The following CIROZ variants were observed in gnomAD, a reference collection of about 807,000 sequenced individuals.
CIROZ encodes the protein ciliated left-right organizer protein containing ZP-N domains, also known as ciliated left-right organizer ZP-N domains-containing protein.
At chr1:10,978,490 C>T in the CIROZ span, among the ~76,000 whole-genome samples, 56 of 149,318 alleles carry the variant, frequency 3.8e-4, no homozygotes, top group African/African-American at 1.4e-3. Flanking sequence ...AGGAGGATCA[C>T]TTGAGCCCAG....
At chr1:10,948,348 C>A in the CIROZ span, 6 of 1,613,376 alleles carry the variant, frequency 3.7e-6, no homozygotes, top group Non-Finnish European at 5.1e-6. Flanking sequence ...CAGTGTGGCC[C>A]GCCAGGGCCT....
At chr1:10,965,854 A>G in the CIROZ span, among the ~76,000 whole-genome samples, 1 of 152,038 alleles carries the variant, frequency 6.6e-6, no homozygotes, top group African/African-American at 2.4e-5. Flanking sequence ...GAATACAAAA[A>G]TATCTTGCTT....
At chr1:10,952,115 G>A in the CIROZ span, among the ~76,000 whole-genome samples, 2 of 152,118 alleles carry the variant, frequency 1.3e-5, no homozygotes, top group African/African-American at 4.8e-5. Context: ...AAGCCGAACA[G>A]GACACAGCCC....
chr1:10,967,793 G>C, the CIROZ span, among the ~76,000 whole-genome samples: 1 of 152,166 alleles, frequency 6.6e-6, no homozygotes, highest in Non-Finnish European at 1.5e-5. Flanking sequence ...CCAACATGGT[G>C]AAATCCTGTC....
the CIROZ span, chr1:10,958,904 A>G: frequency 1.4e-6 from 1 of 710,734 alleles, no homozygotes; most frequent in African/African-American, 1.8e-5. Context: ...TAAGACAAGA[A>G]AATCATTTAT....
At chr1:10,948,876 G>A in the CIROZ span, 9 of 1,468,822 alleles carry the variant, frequency 6.1e-6, no homozygotes, top group African/African-American at 1.3e-4. Context: ...GAGAGAAAAA[G>A]CATTAGAAAC....
At chr1:10,972,770 C>G in the CIROZ span, among the ~76,000 whole-genome samples, 24 of 151,932 alleles carry the variant, frequency 1.6e-4, no homozygotes, top group African/African-American at 4.8e-4. Flanking sequence ...AATTCTAAGC[C>G]CTTGGAATGT....
chr1:10,953,593 G>A, the CIROZ span, among the ~76,000 whole-genome samples: 1 of 152,194 alleles, frequency 6.6e-6, no homozygotes, highest in Admixed American at 6.5e-5. Flanking sequence ...AATGGAAACA[G>A]CTCTTCTTGT....
chr1:10,951,686 T>C, the CIROZ span, among the ~76,000 whole-genome samples: 1 of 148,870 alleles, frequency 6.7e-6, no homozygotes, highest in Non-Finnish European at 1.5e-5. Flanking sequence ...GATTGCAACA[T>C]TGTACTTCAA....
the CIROZ span, among the ~76,000 whole-genome samples, chr1:10,965,280 C>T: frequency 6.6e-6 from 1 of 151,664 alleles, no homozygotes; most frequent in Admixed American, 6.6e-5. Flanking sequence ...AGACCACAGC[C>T]CCACTCAGGA....
chr1:10,976,585 C>T, the CIROZ span, among the ~76,000 whole-genome samples: 107 of 151,698 alleles, frequency 7.1e-4, no homozygotes, highest in African/African-American at 2.3e-3. Flanking sequence ...CTCCTGACCT[C>T]GTGATCCACC....
the CIROZ span, chr1:10,964,397 T>C: frequency 1.7e-6 from 2 of 1,179,062 alleles, no homozygotes; most frequent in East Asian, 5.3e-5. Context: ...GGTGGGCTTG[T>C]GGAAGAGGGA....
chr1:10,975,810 C>T, the CIROZ span, among the ~76,000 whole-genome samples: 2 of 152,084 alleles, frequency 1.3e-5, no homozygotes, highest in Non-Finnish European at 2.9e-5. Flanking sequence ...TTCGCGTCAT[C>T]ATCTAAAAGT....
chr1:10,960,047 C>G, the CIROZ span, among the ~76,000 whole-genome samples: 1 of 152,122 alleles, frequency 6.6e-6, no homozygotes, highest in African/African-American at 2.4e-5. This position sits in a 1 kb window ranked among gnomAD's most constrained non-coding sequence, Gnocchi z 4.6. Flanking sequence ...GACAGAGAGG[C>G]CCCCAGAGGC....
chr1:10,953,767 G>A, the CIROZ span, among the ~76,000 whole-genome samples: 4 of 152,150 alleles, frequency 2.6e-5, no homozygotes, highest in East Asian at 7.7e-4. Flanking sequence ...ACCCCCATCC[G>A]CCTCCCTTGT....
At chr1:10,977,970 A>G in the CIROZ span, among the ~76,000 whole-genome samples, 1 of 152,010 alleles carries the variant, frequency 6.6e-6, no homozygotes, top group Non-Finnish European at 1.5e-5. Flanking sequence ...GGAGTTTAAG[A>G]CCAAACTGGT....
the CIROZ span, among the ~76,000 whole-genome samples, chr1:10,952,207 G>T: frequency 6.6e-6 from 1 of 152,292 alleles, no homozygotes; most frequent in African/African-American, 2.4e-5. Flanking sequence ...CCTCGAAGCT[G>T]CAGGGAAGCT....
chr1:10,961,678 T>C, the CIROZ span, among the ~76,000 whole-genome samples: 1 of 152,178 alleles, frequency 6.6e-6, no homozygotes, highest in South Asian at 2.1e-4. Context: ...GCGCGGCAGC[T>C]CACGCCTGTA....
the CIROZ span, chr1:10,949,750 TG>T: frequency 6.9e-6 from 11 of 1,584,250 alleles, no homozygotes; most frequent in East Asian, 2.5e-4. Context: ...TCTCTGGTCC[TG>T]GGGATGGTGG....
Sources: allele counts gnomAD v4.1 joint callset (sites outside exome capture counted in the v4.1 genomes callset), GRCh38; gene constraint gnomAD v4.1.1; non-coding constraint Gnocchi (gnomAD v3.1); transcripts MANE v1.5; gene names NCBI Gene and HGNC (gene_info 2026-07-23, HGNC 2026-07-21).